Variants in DNAJC13 observed in about 807,000 individuals in gnomAD.
DNAJC13 encodes DnaJ heat shock protein family (Hsp40) member C13.
In DNAJC13, 75 loss-of-function variants were observed where a neutral mutation model predicts 290.5. That is an observed-to-expected ratio of 0.26 (90% CI 0.21 to 0.31). DNAJC13 has a LOEUF of 0.31. DNAJC13 is among the 10% of genes least tolerant of loss of function. The pLI is 1.00. For synonymous variants in DNAJC13, 862 were observed against 892.0 expected (o/e 0.97, Z 0.60); for missense variants, 2,260 against 2,674.5 (o/e 0.85, Z 3.42).
rs754828938 is a variant in DNAJC13, at chr3:132,511,111, G to A, written c.5160G>A (p.Ser1720=). ...FAASLLDYIG[S]QAQYLHTFMA... ...CAAGTCTCTTGGATTATATAGGCTC[G>A]CAGGCCCAATACTTGCACACATTCA... is the stretch of plus-strand genomic sequence containing the variant. Residue 1720 remains serine (S), a synonymous_variant, in exon 44 of 56, where the codon TCG becomes TCA. Coordinates refer to ENST00000260818, the MANE Select transcript of DNAJC13 (RefSeq NM_015268.4). 40 of 1,613,624 alleles carry A rather than the reference G, an allele frequency of 2.5e-5. No homozygotes were observed. The highest frequency in any genetic ancestry group is 3.1e-5 in the Non-Finnish European group (37 of 1,179,800).
chr3:132,427,057 T>C (rs1483290470), intron 1 of DNAJC13, among the ~76,000 whole-genome samples: 1 of 150,674 alleles, frequency 6.6e-6, no homozygotes, highest in African/African-American at 2.4e-5. Flanking sequence ...CTGATTATCT[T>C]GGTGTTTATA....
Position 132,511,061 on chromosome 3 carries a change from G to T in DNAJC13, c.5116-6G>T. The T allele has an allele frequency of 6.2e-7, 1 of 1,613,414 alleles. No homozygotes were observed. The highest frequency in any genetic ancestry group is 1.1e-5 in the South Asian group (1 of 91,008). Reference sequence around the variant, plus strand: ...TGTTGTTTAAATACTTGTCTGCATTGATTAGGTTCCAAAAGCATTTGCTGC... The same window carrying T: ...TGTTGTTTAAATACTTGTCTGCATTTATTAGGTTCCAAAAGCATTTGCTGC... On this transcript the variant is annotated splice_polypyrimidine_tract_variant and splice_region_variant and intron_variant, in intron 43 of 55. Coordinates refer to ENST00000260818, the MANE Select transcript of DNAJC13 (RefSeq NM_015268.4).
Position 132,502,354 on chromosome 3 carries a change from A to G in DNAJC13, c.4602A>G (p.Leu1534=). 1 of 1,613,760 alleles carries G rather than the reference A, an allele frequency of 6.2e-7. No individual in the cohort carries two copies. Among genetic ancestry groups the G allele is most frequent in the South Asian group, 1.1e-5 (1 of 91,070 alleles). Residue 1534 remains leucine (L), a synonymous_variant, in exon 40 of 56, where the codon CTA becomes CTG. Transcript: ENST00000260818. ...GTTCTTTTGCTGTGGATTTCTGGCT[A>G]CAGACACACCTATTTCAGGCTGGAA... ...CVSSFAVDFW[L]QTHLFQAGIL... is the part of the protein sequence containing the mutation.
At chr3:132,510,381 G>A (rs549024910) in intron 43 of DNAJC13, among the ~76,000 whole-genome samples, 1 of 152,144 alleles carries the variant, frequency 6.6e-6, no homozygotes, top group East Asian at 1.9e-4. Flanking sequence ...GGGAGTTTTT[G>A]CTTTCATTTT....
At chr3:132,526,865 CAAAT>C (rs2107749271) in intron 53 of DNAJC13, among the ~76,000 whole-genome samples, 1 of 152,166 alleles carries the variant, frequency 6.6e-6, no homozygotes, top group East Asian at 1.9e-4. Context: ...ACTCAAAGAA[CAAAT>C]ACCACATGAT....
chr3:132,463,922 T>A, intron 17 of DNAJC13, 105 bp downstream of exon 17: 1 of 1,306,952 alleles, frequency 7.7e-7, no homozygotes, highest in South Asian at 1.6e-5. Flanking sequence ...ATAATACATT[T>A]TCTTTTGATC....
intron 32 of DNAJC13, among the ~76,000 whole-genome samples, chr3:132,492,092 A>G (rs914441922): frequency 6.6e-6 from 1 of 152,108 alleles, no homozygotes; most frequent in African/African-American, 2.4e-5. Context: ...GATAATAGCC[A>G]GTTTCAGTTT....
At chr3:132,456,152 T>A in intron 9 of DNAJC13, 83 bp from the exon 10 acceptor site, 1 of 1,292,342 alleles carries the variant, frequency 7.7e-7, no homozygotes, top group Non-Finnish European at 1.1e-6. Context: ...GATTACCTGC[T>A]AAAGGGCCTA....
At chr3:132,475,149 ATT>A in intron 22 of DNAJC13, 64 bp downstream of exon 22, 2 of 1,287,624 alleles carry the variant, frequency 1.6e-6, no homozygotes, top group Non-Finnish European at 2.0e-6. Context: ...TTGGGGAGTG[ATT>A]TTTTTTAAAA....
At chr3:132,429,569 A>C (rs1026836299) in intron 1 of DNAJC13, among the ~76,000 whole-genome samples, 4 of 152,198 alleles carry the variant, frequency 2.6e-5, no homozygotes, top group African/African-American at 9.6e-5. Context: ...TAAGTTGTTT[A>C]ATAATTTCAG....
At chr3:132,456,855 A>T (rs1933614543) in intron 12 of DNAJC13, 23 bp downstream of exon 12, 3 of 1,608,312 alleles carry the variant, frequency 1.9e-6, no homozygotes, top group Non-Finnish European at 1.7e-6. Flanking sequence ...CTGAAACTTA[A>T]CTTCTCTTAG....
chr3:132,427,329 G>A (rs1939126063), intron 1 of DNAJC13, among the ~76,000 whole-genome samples: 1 of 151,828 alleles, frequency 6.6e-6, no homozygotes, highest in South Asian at 2.1e-4. Context: ...TAGAGACAGG[G>A]TTTTGCCATG....
intron 54 of DNAJC13, 55 bp downstream of exon 54, chr3:132,528,387 G>C: frequency 1.2e-6 from 2 of 1,602,572 alleles, no homozygotes; most frequent in East Asian, 2.2e-5. Flanking sequence ...TCTTGGCCAT[G>C]GATGGTCCAC....
chr3:132,453,699 G>A lies in DNAJC13; in HGVS notation c.840+5G>A. Reference sequence around the variant, plus strand: ...ACATTGAAGCCTTTAGGAGAAGTAAGTTTCAGCATTGTTAGCTTAAATGAG... The same window carrying A: ...ACATTGAAGCCTTTAGGAGAAGTAAATTTCAGCATTGTTAGCTTAAATGAG... On this transcript the variant is annotated splice_donor_5th_base_variant and intron_variant, in intron 8 of 55. Transcript: ENST00000260818. 1 of 1,597,986 alleles carries A rather than the reference G, an allele frequency of 6.3e-7. No homozygotes were observed. The highest frequency in any genetic ancestry group is 8.5e-7 in the Non-Finnish European group (1 of 1,173,178).
At chr3:132,424,336 A>G (rs911157733) in intron 1 of DNAJC13, among the ~76,000 whole-genome samples, 1 of 152,158 alleles carries the variant, frequency 6.6e-6, no homozygotes, top group Non-Finnish European at 1.5e-5. Context: ...ATGAGCATAC[A>G]TGTGATAGAA....
intron 42 of DNAJC13, among the ~76,000 whole-genome samples, chr3:132,505,788 T>TG (rs1402960468): frequency 6.6e-6 from 1 of 151,522 alleles, no homozygotes; most frequent in East Asian, 1.9e-4. Context: ...TACTGAGCCG[T>TG]GAAAAAAAAA....
intron 36 of DNAJC13, among the ~76,000 whole-genome samples, chr3:132,498,851 G>T (rs1051616392): frequency 1.4e-4 from 22 of 152,026 alleles, no homozygotes; most frequent in African/African-American, 4.6e-4. Context: ...GAGTAGCTGG[G>T]ACTACAGGTG....
At chr3:132,506,907 CT>C (rs1935611351) in intron 42 of DNAJC13, among the ~76,000 whole-genome samples, 1 of 152,060 alleles carries the variant, frequency 6.6e-6, no homozygotes, top group African/African-American at 2.4e-5. Flanking sequence ...CTCTGTCATC[CT>C]ACGTCTTACT....
At position 132,528,332 on chromosome 3, in the gene DNAJC13, G is replaced by A; in HGVS notation, c.6525G>A (p.Gln2175=). 3 of 1,614,104 alleles carry A rather than the reference G, an allele frequency of 1.9e-6. No homozygotes were observed. The highest frequency in any genetic ancestry group is 2.5e-6 in the Non-Finnish European group (3 of 1,179,982). Residue 2175 remains glutamine, a splice_region_variant and synonymous_variant, in exon 54 of 56, where the codon CAG becomes CAA. Coordinates refer to ENST00000260818, the MANE Select transcript of DNAJC13 (RefSeq NM_015268.4). ...AMTRSLQYGE[Q]VNEILCRSSV... ...CTCGAAGTTTGCAGTATGGAGAACA[G>A]GTGAGTCTGCATAGAGTCAACTTTT...
Sources: gnomAD v4.1 joint callset for allele counts (sites outside exome capture counted in the v4.1 genomes callset) on GRCh38, gnomAD v4.1.1 for gene constraint, MANE v1.5 for transcripts, NCBI Gene and HGNC (gene_info 2026-07-23, HGNC 2026-07-21) for gene names.